Variants in DCLK1 observed in about 807,000 individuals in gnomAD.
The protein encoded by DCLK1 is doublecortin like kinase 1, also known as serine/threonine-protein kinase DCLK1.
Under a neutral mutation model 86.2 loss-of-function variants are expected in DCLK1, and 16 were observed. The observed-to-expected ratio is 0.19, with a 90% CI of 0.13 to 0.28. The LOEUF (loss-of-function observed/expected upper bound fraction) is 0.28. DCLK1 is among the 10% of genes least tolerant of loss of function. The pLI, the probability that DCLK1 is intolerant of heterozygous loss-of-function variation, is 1.00. For missense variants in DCLK1, 590 were observed against 940.2 expected (o/e 0.63, Z 4.87); for synonymous variants, 369 against 370.5 (o/e 1.00, Z 0.05).
intron 4 of DCLK1, among the ~76,000 whole-genome samples, chr13:35,884,378 G>C (rs1033638744): frequency 1.3e-5 from 2 of 152,134 alleles, no homozygotes; most frequent in Non-Finnish European, 2.9e-5. Flanking sequence ...TGGAACAAGA[G>C]TTCATATATA....
chr13:35,785,949 C>A lies in DCLK1; in HGVS notation c.2058+7417G>T, dbSNP rs1356963544. Among the ~76,000 whole-genome samples the A allele has an allele frequency of 2.6e-5, 4 of 152,206 alleles. No individual in the cohort carries two copies. In the East Asian group the frequency reaches 7.7e-4, roughly 29 times the overall value. ...ATATATGCCGATGAGTTTTTAGCAT[C>A]ATTTCTCCAATTTAGCTTTACATAC... On this transcript the variant is annotated intron_variant, in intron 16 of 16. Transcript: ENST00000360631.
intron 3 of DCLK1, among the ~76,000 whole-genome samples, chr13:36,106,218 C>T (rs1465916704): frequency 6.6e-6 from 1 of 151,918 alleles, no homozygotes; most frequent in African/African-American, 2.4e-5. Flanking sequence ...AAAAAAAGGA[C>T]TTAAATCTTC....
chr13:35,961,993 T>G (rs146817326), intron 3 of DCLK1, among the ~76,000 whole-genome samples: 3 of 152,200 alleles, frequency 2.0e-5, no homozygotes, highest in African/African-American at 7.2e-5. Flanking sequence ...GCCATAAACT[T>G]CTTTTTGAAA....
At position 35,969,815 on chromosome 13, in the gene DCLK1, T is replaced by C. The variant is rs148643060; in HGVS notation, c.724-22358A>G. Reference sequence around the variant, plus strand: ...ATCCTAACCCCCGATGTAATAGTATTGAGAAGTGGCACCTTTGGGATGTGA... The same window carrying C: ...ATCCTAACCCCCGATGTAATAGTATCGAGAAGTGGCACCTTTGGGATGTGA... On this transcript the variant is annotated intron_variant, in intron 3 of 16. Transcript: ENST00000360631. 2.6e-5 allele frequency among the ~76,000 whole-genome samples: 4 copies of C among 152,260 alleles called. No individual in the cohort carries two copies. In the East Asian group the frequency reaches 7.7e-4, roughly 29 times the overall value.
chr13:35,871,450 A>C (rs1872270677), intron 4 of DCLK1, 110 bp from the exon 5 acceptor site: 1 of 874,482 alleles, frequency 1.1e-6, no homozygotes, highest in Non-Finnish European at 1.8e-6. Flanking sequence ...CCTCAGTCAC[A>C]TCTACTTCCC....
At chr13:35,826,307 T>C (rs1408358755) in intron 10 of DCLK1, among the ~76,000 whole-genome samples, 3 of 150,908 alleles carry the variant, frequency 2.0e-5, no homozygotes, top group African/African-American at 7.3e-5. Context: ...GCGGATCACC[T>C]GAGGTTGGGA....
intron 6 of DCLK1, chr13:35,848,127 C>T: frequency 1.0e-6 from 1 of 985,276 alleles, no homozygotes; most frequent in Non-Finnish European, 1.2e-6. Flanking sequence ...CTTCAGAGCG[C>T]ATTTAAGGAT....
intron 10 of DCLK1, among the ~76,000 whole-genome samples, chr13:35,825,333 G>A (rs1009751369): frequency 6.6e-6 from 1 of 152,124 alleles, no homozygotes; most frequent in African/African-American, 2.4e-5. Flanking sequence ...AGATTAAATC[G>A]AAGGGTATGG....
chr13:35,793,750 T>C (rs1305002890), intron 15 of DCLK1, among the ~76,000 whole-genome samples: 1 of 152,266 alleles, frequency 6.6e-6, no homozygotes, highest in Non-Finnish European at 1.5e-5. Context: ...CTGTTTTTGG[T>C]TTCTAATAAA....
intron 2 of DCLK1, among the ~76,000 whole-genome samples, chr13:36,116,201 C>G (rs1243386570): frequency 6.6e-6 from 1 of 152,062 alleles, no homozygotes; most frequent in African/African-American, 2.4e-5. Context: ...CCGCCCACCT[C>G]AGCCTCCCAA....
intron 3 of DCLK1, among the ~76,000 whole-genome samples, chr13:36,095,009 T>A (rs1884955426): frequency 6.6e-6 from 1 of 152,070 alleles, no homozygotes; most frequent in Non-Finnish European, 1.5e-5. Flanking sequence ...GTAAAGAATT[T>A]CCAGCAAGTG....
At chr13:35,826,941 C>T (rs931483196) in intron 10 of DCLK1, among the ~76,000 whole-genome samples, 6 of 152,164 alleles carry the variant, frequency 3.9e-5, no homozygotes, top group African/African-American at 1.2e-4. Flanking sequence ...GACTTGAGAA[C>T]ACAACAGCTT....
intron 4 of DCLK1, among the ~76,000 whole-genome samples, chr13:35,934,681 T>C (rs1876659674): frequency 6.6e-6 from 1 of 152,070 alleles, no homozygotes; most frequent in Non-Finnish European, 1.5e-5. Flanking sequence ...CAAGATGAGA[T>C]TTGGGTGGGG....
At chr13:35,958,701 T>G (rs1417640659) in intron 3 of DCLK1, among the ~76,000 whole-genome samples, 3 of 152,236 alleles carry the variant, frequency 2.0e-5, no homozygotes, top group Admixed American at 6.5e-5. Flanking sequence ...GTCTGTGTTT[T>G]GCTCACAAAA....
intron 3 of DCLK1, among the ~76,000 whole-genome samples, chr13:36,066,836 T>C (rs545759280): frequency 2.9e-3 from 436 of 151,424 alleles, no homozygotes; most frequent in Middle Eastern, 6.8e-3. Context: ...ACCAGAGAAA[T>C]GCAAATCAAA....
intron 3 of DCLK1, among the ~76,000 whole-genome samples, chr13:36,043,132 G>A (rs1442108384): frequency 2.6e-5 from 4 of 152,052 alleles, no homozygotes; most frequent in Admixed American, 6.6e-5. Flanking sequence ...TTTAGAAAAT[G>A]TTAGAAAGTA....
intron 10 of DCLK1, among the ~76,000 whole-genome samples, chr13:35,825,036 G>T (rs977857312): frequency 6.6e-6 from 1 of 152,176 alleles, no homozygotes; most frequent in Non-Finnish European, 1.5e-5. Context: ...CACATAGGCA[G>T]CCTGCGTGTG....
chr13:35,811,212 C>T (rs1399584386), intron 11 of DCLK1, among the ~76,000 whole-genome samples: 2 of 151,880 alleles, frequency 1.3e-5, no homozygotes, highest in African/African-American at 2.4e-5. Context: ...ATTCATACAA[C>T]GAGAGGTTAC....
At chr13:35,900,777 C>T (rs1370529362) in intron 4 of DCLK1, among the ~76,000 whole-genome samples, 1 of 152,176 alleles carries the variant, frequency 6.6e-6, no homozygotes. Flanking sequence ...AATGTCTCCA[C>T]ACACTGCCAA....
Sources: allele counts gnomAD v4.1 joint callset (sites outside exome capture counted in the v4.1 genomes callset), GRCh38; gene constraint gnomAD v4.1.1; transcripts MANE v1.5; gene names NCBI Gene and HGNC (gene_info 2026-07-23, HGNC 2026-07-21).